Variants in C5 observed in about 807,000 individuals in gnomAD.
C5 encodes the protein C3 and PZP-like alpha-2-macroglobulin domain-containing protein 4.
C5 carries 140 observed loss-of-function variants against 218.8 expected under a neutral mutation model. That is an observed-to-expected ratio of 0.64 (90% CI 0.56 to 0.74). The LOEUF (loss-of-function observed/expected upper bound fraction) is 0.74, where lower values mean the gene tolerates loss of function less well. Among genes scored for constraint, C5 ranks in the 30% least tolerant of loss-of-function variants. C5 has a pLI of 0.00. For synonymous variants in C5, 614 were observed against 682.3 expected, an observed-to-expected ratio of 0.90 and a Z score of 1.56; for missense variants, 1,700 against 1,969.6, an observed-to-expected ratio of 0.86 and a Z score of 2.59.
At chr9:120,953,002 C>A (rs992883058) in intron 40 of C5, 134 bp from the exon 41 acceptor site, 11 of 858,448 alleles carry the variant, frequency 1.3e-5, no homozygotes, top group African/African-American at 1.7e-5. Context: ...CAGCTCACTG[C>A]AAGCTCTGCC....
At chr9:120,972,967 A>T (rs2131685188) in intron 30 of C5, among the ~76,000 whole-genome samples, 1 of 152,324 alleles carries the variant, frequency 6.6e-6, no homozygotes, top group East Asian at 1.9e-4. Flanking sequence ...AATGCTGTGC[A>T]CTGTGCCCTG....
intron 39 of C5, among the ~76,000 whole-genome samples, chr9:120,955,393 A>G (rs2046777209): frequency 1.3e-5 from 2 of 152,212 alleles, no homozygotes; most frequent in South Asian, 4.1e-4. Flanking sequence ...AAAATTCAGA[A>G]CAGTCTAAAA....
At chr9:121,064,035 A>T in the C5 span, among the ~76,000 whole-genome samples, 3 of 152,198 alleles carry the variant, frequency 2.0e-5, no homozygotes, top group Admixed American at 6.5e-5. Context: ...GAATCTCACC[A>T]GCATTGACCT....
In C5 at chr9:121,017,785, C is replaced by A; in HGVS notation, c.1574G>T (p.Ser525Ile). ...REKFSDASYQ[S>I]INIPVTQNMV... ...GTTCTGTGTTACTGGAATGTTTATACTTTGATAAGATGCATCTGAAAATTT... is the reference window on the plus strand; with the variant it reads ...GTTCTGTGTTACTGGAATGTTTATAATTTGATAAGATGCATCTGAAAATTT... Residue 525 changes from serine to isoleucine, a missense_variant, in exon 13 of 41, where the codon AGT (serine) becomes ATT (isoleucine). By Grantham distance (142) the Ser-to-Ile change is moderately radical. Transcript: ENST00000223642. The A allele has an allele frequency of 1.2e-6, 2 of 1,613,800 alleles. No homozygotes were observed. The highest frequency in any genetic ancestry group is 8.5e-7 in the Non-Finnish European group (1 of 1,179,816).
chr9:121,002,154 A>G (rs1452702636), intron 20 of C5, among the ~76,000 whole-genome samples: 1 of 147,908 alleles, frequency 6.8e-6, no homozygotes, highest in East Asian at 1.9e-4. Context: ...GTATATATGT[A>G]TAGATATGTA....
At chr9:121,054,207 T>C (rs1172319760), upstream of C5, among the ~76,000 whole-genome samples, 1 of 152,162 alleles carries the variant, frequency 6.6e-6, no homozygotes, top group African/African-American at 2.4e-5. Flanking sequence ...ACAGACTCTG[T>C]GGCAATAAGA....
At chr9:120,953,694 G>T in intron 40 of C5, 36 bp downstream of exon 40, 1 of 1,607,076 alleles carries the variant, frequency 6.2e-7, no homozygotes, top group South Asian at 1.1e-5. Context: ...CAGTTTTGGA[G>T]GGAAGATCAG....
chr9:120,958,060 T>C (rs1230336729), intron 38 of C5, among the ~76,000 whole-genome samples: 2 of 152,236 alleles, frequency 1.3e-5, no homozygotes, highest in African/African-American at 4.8e-5. Context: ...TTTTTTGTTT[T>C]GAAATTAGTG....
rs111751779 is a variant in C5, at chr9:121,012,446, G to A, written c.2257+1427C>T. ...GGAGAATTGCTTGAACCCGGGAGGC[G>A]GAGGTTGCAGTGAGCTGAGACTGCG... is the stretch of plus-strand genomic sequence containing the variant. On this transcript the variant is annotated intron_variant, in intron 17 of 40. Transcript: ENST00000223642. Among the ~76,000 whole-genome samples the A allele has an allele frequency of 1.3e-3, 199 of 152,074 alleles. 1 individual carries two copies. The highest frequency in any genetic ancestry group is 2.4e-3 in the Non-Finnish European group (163 of 67,972).
chr9:120,961,112 C>A (rs7867511), intron 37 of C5, among the ~76,000 whole-genome samples: 30,263 of 152,024 alleles, frequency 0.2, 5,296 homozygotes, highest in African/African-American at 0.47. Context: ...GACAATAAAC[C>A]GAATTCCATT....
intron 21 of C5, 78 bp downstream of exon 21, chr9:120,997,469 T>G: frequency 9.4e-7 from 1 of 1,069,000 alleles, no homozygotes. Context: ...ATTTACACTA[T>G]TGTTTCTCTC....
chr9:121,044,230 T>A (rs1310940606), intron 2 of C5, among the ~76,000 whole-genome samples: 1 of 152,156 alleles, frequency 6.6e-6, no homozygotes, highest in African/African-American at 2.4e-5. Context: ...ATCCCAGCAC[T>A]TTGGGAGGCC....
the C5 span, among the ~76,000 whole-genome samples, chr9:121,072,186 C>A: frequency 0.027 from 4,178 of 152,108 alleles, 90 homozygotes; most frequent in Non-Finnish European, 0.034. Context: ...TGCCCATCCG[C>A]GGCTAACTGG....
At position 121,017,466 on chromosome 9, in the gene C5, C is replaced by T; in HGVS notation, c.1762G>A (p.Val588Met). ...DADAYSPGQT[V>M]SLNMATGMDS... ...ATTCCAGTTGCCATATTAAGAGACA[C>T]AGTTTGGCCTGGAGAATATGCATCT... Residue 588 changes from valine to methionine, a missense_variant, in exon 14 of 41, where the codon GTG (valine) becomes ATG (methionine). By Grantham distance (21) the Val-to-Met change is conservative (BLOSUM62 1). Transcript: ENST00000223642. 8.1e-6 allele frequency: 13 copies of T among 1,613,894 alleles called. No individual in the cohort carries two copies. Among genetic ancestry groups the T allele is most frequent in the Non-Finnish European group, 1.1e-5 (13 of 1,179,894 alleles).
the C5 span, among the ~76,000 whole-genome samples, chr9:121,074,225 T>TA: frequency 2.3e-4 from 35 of 151,970 alleles, no homozygotes; most frequent in Admixed American, 1.2e-3. Context: ...GATAACACTT[T>TA]AAAAAAAACT....
At position 121,043,088 on chromosome 9, in the gene C5, T is replaced by C; in HGVS notation, c.337A>G (p.Lys113Glu). The C allele has an allele frequency of 6.2e-7, 1 of 1,613,282 alleles. No homozygotes were observed. Among genetic ancestry groups the C allele is most frequent in the Middle Eastern group, 1.7e-4 (1 of 6,052 alleles). The change falls in exon 3 of 41, where the codon AAA becomes GAA. Residue 113 changes from lysine (K) to glutamate (E), a missense_variant. By Grantham distance (56) the Lys-to-Glu change is moderately conservative. Coordinates refer to ENST00000223642, the MANE Select transcript of C5 (RefSeq NM_001735.3). ...TAGGTTATTGGCATTCTTTTTGATTTTGAAAAATGCTTTGATACAACTTCC... is the reference window on the plus strand; with the variant it reads ...TAGGTTATTGGCATTCTTTTTGATTCTGAAAAATGCTTTGATACAACTTCC... ...YLEVVSKHFS[K>E]SKRMPITYDN... is the part of the protein sequence containing the mutation.
the C5 span, among the ~76,000 whole-genome samples, chr9:121,061,305 A>G: frequency 6.6e-6 from 1 of 152,368 alleles, no homozygotes; most frequent in East Asian, 1.9e-4. Flanking sequence ...AAAAAGCAGG[A>G]AAAATGCTGT....
chr9:121,065,074 AAT>A, the C5 span, among the ~76,000 whole-genome samples: 50 of 150,448 alleles, frequency 3.3e-4, no homozygotes, highest in African/African-American at 5.4e-4. Flanking sequence ...CATCTAAAAA[AAT>A]ATATATATAT....
chr9:121,040,952 CTT>C (rs35536237), intron 3 of C5, among the ~76,000 whole-genome samples: 135 of 129,202 alleles, frequency 1.0e-3, no homozygotes, highest in Middle Eastern at 4.0e-3. Context: ...TTTTTTTTCT[CTT>C]TTTTTTTTTT....
Sources: gnomAD v4.1 joint callset for allele counts (sites outside exome capture counted in the v4.1 genomes callset) on GRCh38, gnomAD v4.1.1 for gene constraint, MANE v1.5 for transcripts, NCBI Gene and HGNC (gene_info 2026-07-23, HGNC 2026-07-21) for gene names.